ATR: variants seen among roughly 807,000 people sequenced by gnomAD.
The protein encoded by ATR is ATR checkpoint kinase.
In ATR, 142 loss-of-function variants were observed where a neutral mutation model predicts 305.3. That is an observed-to-expected ratio of 0.47 (90% CI 0.41 to 0.53). The LOEUF (loss-of-function observed/expected upper bound fraction) is 0.53. Ranked by LOEUF, ATR falls within the 20% of genes least tolerant of loss-of-function variation. ATR has a pLI of 0.00. For missense variants in ATR, 2,135 were observed against 3,133.1 expected, an observed-to-expected ratio of 0.68 and a Z score of 7.60; for synonymous variants, 1,050 against 1,068.1, an observed-to-expected ratio of 0.98 and a Z score of 0.33.
At chr3:142,553,142 TA>T in intron 13 of ATR, 84 bp downstream of exon 13, 1 of 1,486,378 alleles carries the variant, frequency 6.7e-7, no homozygotes, top group Middle Eastern at 1.9e-4. Context: ...GCAAGCAAAA[TA>T]AAACATGTAT....
chr3:142,472,696 G>A (rs1205140620), intron 36 of ATR, among the ~76,000 whole-genome samples: 1 of 152,026 alleles, frequency 6.6e-6, no homozygotes, highest in Non-Finnish European at 1.5e-5. Context: ...GGAGTGCAGT[G>A]ATATGATCCT....
intron 36 of ATR, among the ~76,000 whole-genome samples, chr3:142,480,888 T>A (rs981541967): frequency 6.6e-6 from 1 of 152,194 alleles, no homozygotes; most frequent in South Asian, 2.1e-4. Context: ...TTCAGAGCCA[T>A]GCACGGGATA....
intron 5 of ATR, among the ~76,000 whole-genome samples, chr3:142,560,938 A>G: frequency 6.6e-6 from 1 of 152,224 alleles, no homozygotes; most frequent in Non-Finnish European, 1.5e-5. Context: ...CCACTTTATA[A>G]AAAATAGTTG....
intron 1 of ATR, among the ~76,000 whole-genome samples, chr3:142,571,860 G>A (rs1470247989): frequency 1.3e-5 from 2 of 151,002 alleles, no homozygotes; most frequent in East Asian, 3.9e-4. Flanking sequence ...TCCGCCACCC[G>A]GGCTCAAGCA....
chr3:142,468,188 A>G (rs1330747949), intron 38 of ATR, 120 bp from the exon 39 acceptor site: 1 of 1,229,902 alleles, frequency 8.1e-7, no homozygotes, highest in East Asian at 2.5e-5. Flanking sequence ...TATGATACAA[A>G]TTTTCTGAAA....
At chr3:142,541,129 G>A in intron 17 of ATR, 95 bp from the exon 18 acceptor site, 4 of 1,455,470 alleles carry the variant, frequency 2.7e-6, no homozygotes, top group Non-Finnish European at 3.8e-6. Context: ...CCAGTATCAG[G>A]GTGTCATCTA....
intron 36 of ATR, among the ~76,000 whole-genome samples, chr3:142,480,739 T>G (rs981643800): frequency 2.0e-5 from 3 of 152,332 alleles, no homozygotes; most frequent in Admixed American, 1.3e-4. Context: ...CTCCACCCAG[T>G]TCCAGCTTTC....
rs777229480 is a variant in ATR at position 142,515,392 on chromosome 3, TACCTTTGTAATAAGATA to T, written c.4489_4503+2del. ...AGTTAACAAACTGAACAGGGTTTCT[TACCTTTGTAATAAGATA>T]ACCTGCCCAAGATGCTGACCATTCT... On this transcript the variant is annotated splice_donor_variant and coding_sequence_variant, in exon 25 of 47. Transcript: ENST00000350721. LOFTEE classifies it high-confidence loss of function. 1 of 1,613,850 alleles carries T rather than the reference TACCTTTGTAATAAGATA, an allele frequency of 6.2e-7. No individual in the cohort carries two copies. The highest frequency in any genetic ancestry group is 8.5e-7 in the Non-Finnish European group (1 of 1,179,876).
At chr3:142,568,201 CATTTGCAA>C in intron 1 of ATR, 47 bp from the exon 2 acceptor site, 3 of 1,499,004 alleles carry the variant, frequency 2.0e-6, no homozygotes, top group African/African-American at 2.8e-5. Context: ...GACTCAGTTT[CATTTGCAA>C]AAAAAATTTC....
chr3:142,477,771 C>T (rs1006069622), intron 36 of ATR, among the ~76,000 whole-genome samples: 2 of 152,118 alleles, frequency 1.3e-5, no homozygotes, highest in Admixed American at 6.6e-5. Context: ...AATTTCAGAG[C>T]CTGTTATTGG....
At chr3:142,467,600 A>T (rs2071160595) in intron 39 of ATR, among the ~76,000 whole-genome samples, 1 of 152,138 alleles carries the variant, frequency 6.6e-6, no homozygotes, top group African/African-American at 2.4e-5. Context: ...ACCATAAGTA[A>T]CTTAGAATAT....
At chr3:142,553,529 C>T (rs2108463730) in intron 12 of ATR, 111 bp downstream of exon 12, 1 of 1,449,250 alleles carries the variant, frequency 6.9e-7, no homozygotes, top group Non-Finnish European at 9.5e-7. Context: ...TGTTGACTCA[C>T]ATTTTGTCTA....
intron 35 of ATR, among the ~76,000 whole-genome samples, chr3:142,487,056 TGGGAGGC>T (rs2030988133): frequency 6.6e-6 from 1 of 150,796 alleles, no homozygotes; most frequent in African/African-American, 2.4e-5. Flanking sequence ...GGCCTGAACC[TGGGAGGC>T]GGAGCTTGCA....
At chr3:142,539,246 C>T (rs2033968471) in intron 18 of ATR, among the ~76,000 whole-genome samples, 1 of 152,078 alleles carries the variant, frequency 6.6e-6, no homozygotes. Context: ...TGGAATTAAT[C>T]TGGGCTCAAA....
intron 13 of ATR, among the ~76,000 whole-genome samples, chr3:142,551,637 C>T (rs1462002935): frequency 6.6e-6 from 1 of 152,040 alleles, no homozygotes; most frequent in Admixed American, 6.6e-5. Context: ...AAAATTAAAA[C>T]TGGACCCCTT....
At chr3:142,475,100 T>C (rs2071402381) in intron 36 of ATR, among the ~76,000 whole-genome samples, 1 of 152,192 alleles carries the variant, frequency 6.6e-6, no homozygotes, top group African/African-American at 2.4e-5. Context: ...GTTTTATATA[T>C]ATATGTTTTT....
chr3:142,526,491 TTAAG>T (rs1229831488), intron 21 of ATR, among the ~76,000 whole-genome samples: 1 of 151,954 alleles, frequency 6.6e-6, no homozygotes, highest in Non-Finnish European at 1.5e-5. Context: ...TTGTTTCCCA[TTAAG>T]TATGTGTATA....
chr3:142,566,312 C>A (rs2035070733), intron 2 of ATR, 51 bp from the exon 3 acceptor site: 1 of 1,592,410 alleles, frequency 6.3e-7, no homozygotes, highest in Non-Finnish European at 8.6e-7. Flanking sequence ...AAACAATGGT[C>A]CTTTTGTTAA....
intron 42 of ATR, among the ~76,000 whole-genome samples, chr3:142,460,262 C>T (rs2070996205): frequency 6.6e-6 from 1 of 152,076 alleles, no homozygotes; most frequent in African/African-American, 2.4e-5. Context: ...AGTGATTTAT[C>T]AGTATTACTT....
Sources: gnomAD v4.1 joint callset for allele counts (sites outside exome capture counted in the v4.1 genomes callset) on GRCh38, gnomAD v4.1.1 for gene constraint, MANE v1.5 for transcripts, NCBI Gene and HGNC (gene_info 2026-07-23, HGNC 2026-07-21) for gene names.